The following CNTNAP2 variants were observed in gnomAD, a reference collection of about 807,000 sequenced individuals.
The protein encoded by CNTNAP2 is contactin-associated protein-like 2.
CNTNAP2 carries 98 observed loss-of-function variants against 155.2 expected under a neutral mutation model. That is an observed-to-expected ratio of 0.63 (90% CI 0.54 to 0.75). The LOEUF (loss-of-function observed/expected upper bound fraction) is 0.75, where lower values mean the gene tolerates loss of function less well. Among genes scored for constraint, CNTNAP2 ranks in the 30% least tolerant of loss-of-function variants. The probability of loss-of-function intolerance (pLI) is 0.00; values close to 1 mark genes in which losing one functional copy is unlikely to be tolerated. For synonymous variants in CNTNAP2, 651 were observed against 631.2 expected (o/e 1.03, Z -0.47); for missense variants, 1,727 against 1,688.1 (o/e 1.02, Z -0.40).
intron 8 of CNTNAP2, among the ~76,000 whole-genome samples, chr7:147,176,867 G>GAATAATTATAATATATAATTATATATTAT (rs556195169): frequency 0.03 from 3,413 of 114,180 alleles, 227 homozygotes; most frequent in African/African-American, 0.11. Context: ...AGATATTATA[G>GAATAATTATAATATATAATTATATATTAT]AATAATTATA....
chr7:148,415,660 G>C lies in CNTNAP2; in HGVS notation c.*44G>C, dbSNP rs1403902945. 6.2e-7 allele frequency: 1 copy of C among 1,611,094 alleles called. No homozygotes were observed. The highest frequency in any genetic ancestry group is 2.2e-5 in the East Asian group (1 of 44,538). ...TGGGATAGGGAGGAGGGAATTACTA[G>C]GGAGGAGAGAAAGGGACAAAAGCAC... On this transcript the variant is annotated 3_prime_UTR_variant, in exon 24 of 24. Coordinates refer to ENST00000361727, the MANE Select transcript of CNTNAP2 (RefSeq NM_014141.6).
rs1036134574 is a variant in CNTNAP2, at chr7:147,823,469, G to A, written c.2099-80096G>A. 3.3e-5 allele frequency among the ~76,000 whole-genome samples: 5 copies of A among 152,090 alleles called. 1 individual carries two copies. The highest frequency in any genetic ancestry group is 3.3e-4 in the Admixed American group (5 of 15,254). On this transcript the variant is annotated intron_variant, in intron 13 of 23. Transcript: ENST00000361727. ...ACTTCGTATATCAGCACGTTGAATT[G>A]AAATAATGGGGAGGTTAAGACATAT... is the stretch of plus-strand genomic sequence containing the variant.
intron 8 of CNTNAP2, among the ~76,000 whole-genome samples, chr7:147,227,639 A>G (rs1037150458): frequency 6.6e-6 from 1 of 152,168 alleles, no homozygotes; most frequent in Non-Finnish European, 1.5e-5. Context: ...TTTGCCCTGG[A>G]GTATTAGAAA....
At chr7:147,478,492 T>A (rs1457405163) in intron 10 of CNTNAP2, among the ~76,000 whole-genome samples, 1 of 152,136 alleles carries the variant, frequency 6.6e-6, no homozygotes, top group Non-Finnish European at 1.5e-5. Flanking sequence ...AACAGTGGCT[T>A]AAAACATCCA....
At chr7:148,211,789 C>A (rs367845310) in intron 18 of CNTNAP2, among the ~76,000 whole-genome samples, 1 of 152,260 alleles carries the variant, frequency 6.6e-6, no homozygotes, top group African/African-American at 2.4e-5. Context: ...TATTACACAA[C>A]CAGAGTGGCT....
At chr7:148,173,203 T>C (rs1457346973) in intron 18 of CNTNAP2, among the ~76,000 whole-genome samples, 1 of 152,226 alleles carries the variant, frequency 6.6e-6, no homozygotes, top group Admixed American at 6.5e-5. Flanking sequence ...CCTGTGATCC[T>C]GCTTGACCAG....
At chr7:147,990,921 A>G (rs964857858) in intron 15 of CNTNAP2, among the ~76,000 whole-genome samples, 3 of 152,102 alleles carry the variant, frequency 2.0e-5, no homozygotes, top group African/African-American at 7.2e-5. Context: ...GATCAGGCTG[A>G]TATCAGGAAG....
At chr7:147,403,731 A>G (rs1563191488) in intron 10 of CNTNAP2, among the ~76,000 whole-genome samples, 1 of 152,166 alleles carries the variant, frequency 6.6e-6, no homozygotes, top group African/African-American at 2.4e-5. Flanking sequence ...TTTCTGTTTC[A>G]GTCCAGACTC....
chr7:147,905,777 G>A (rs570973325), intron 14 of CNTNAP2, among the ~76,000 whole-genome samples: 28 of 152,200 alleles, frequency 1.8e-4, no homozygotes, highest in African/African-American at 6.0e-4. Flanking sequence ...GCAGATACTC[G>A]GGAGGCTGAG....
chr7:146,236,705 G>A (rs764613846), intron 1 of CNTNAP2, among the ~76,000 whole-genome samples: 4 of 151,984 alleles, frequency 2.6e-5, no homozygotes, highest in African/African-American at 9.7e-5. Context: ...TTCTTCTCCA[G>A]GGAACTGGGG....
At chr7:147,671,789 A>T (rs899190848) in intron 13 of CNTNAP2, 1 of 152,226 alleles carries the variant, frequency 6.6e-6, no homozygotes, top group Non-Finnish European at 1.5e-5. Context: ...AAGGAGGCTA[A>T]TTCAAATGGG....
At chr7:146,571,997 G>A (rs1480535065) in intron 1 of CNTNAP2, among the ~76,000 whole-genome samples, 2 of 152,174 alleles carry the variant, frequency 1.3e-5, no homozygotes, top group African/African-American at 4.8e-5. Flanking sequence ...GGGATTACAG[G>A]TGTGAGCCAC....
chr7:148,082,485 G>C (rs1440053849), intron 15 of CNTNAP2, among the ~76,000 whole-genome samples: 1 of 152,146 alleles, frequency 6.6e-6, no homozygotes, highest in African/African-American at 2.4e-5. Context: ...GCTAGGGAAG[G>C]AGATAGAGGA....
intron 8 of CNTNAP2, among the ~76,000 whole-genome samples, chr7:147,194,204 AG>A (rs1802738178): frequency 6.6e-6 from 1 of 151,534 alleles, no homozygotes; most frequent in African/African-American, 2.4e-5. Flanking sequence ...TTCCTGTGTT[AG>A]TTTGCTGAGA....
intron 12 of CNTNAP2, among the ~76,000 whole-genome samples, chr7:147,597,085 G>A (rs1297348975): frequency 6.6e-6 from 1 of 152,070 alleles, no homozygotes; most frequent in African/African-American, 2.4e-5. Flanking sequence ...CATAAAAATG[G>A]GCAACCATCA....
At chr7:147,902,815 T>C (rs1799893761) in intron 13 of CNTNAP2, among the ~76,000 whole-genome samples, 2 of 28,270 alleles carry the variant, frequency 7.1e-5, no homozygotes, top group Non-Finnish European at 1.7e-4. Context: ...TGTGTGTGTA[T>C]GTGTGTGTGT....
At chr7:147,316,709 A>C (rs1279734175) in intron 9 of CNTNAP2, among the ~76,000 whole-genome samples, 2 of 152,096 alleles carry the variant, frequency 1.3e-5, no homozygotes, top group Non-Finnish European at 2.9e-5. Flanking sequence ...AGAATAAAGT[A>C]GTTATATACA....
intron 4 of CNTNAP2, among the ~76,000 whole-genome samples, chr7:147,062,647 G>A (rs1799705274): frequency 6.6e-6 from 1 of 152,116 alleles, no homozygotes; most frequent in Admixed American, 6.6e-5. Context: ...TAAATGCCAA[G>A]TGCTTAGCAC....
At chr7:147,417,049 A>G (rs898646499) in intron 10 of CNTNAP2, among the ~76,000 whole-genome samples, 4 of 150,444 alleles carry the variant, frequency 2.7e-5, no homozygotes, top group Non-Finnish European at 5.9e-5. Flanking sequence ...AGATTGCGCC[A>G]CTGCACTCCA....
Sources: gnomAD v4.1 joint callset for allele counts (sites outside exome capture counted in the v4.1 genomes callset) on GRCh38, gnomAD v4.1.1 for gene constraint, MANE v1.5 for transcripts, NCBI Gene and HGNC (gene_info 2026-07-23, HGNC 2026-07-21) for gene names.